INHBC: variants seen among roughly 807,000 people sequenced by gnomAD.
The protein encoded by INHBC is inhibin beta C chain.
INHBC carries 10 observed loss-of-function variants against 12.4 expected under a neutral mutation model. That is an observed-to-expected ratio of 0.81 (90% confidence interval 0.50 to 1.37). The LOEUF is 1.37. Ranked by LOEUF, INHBC falls within the 40% of genes most tolerant of loss-of-function variation. INHBC has a pLI of 0.00. For synonymous variants in INHBC, 147 were observed against 171.6 expected, an observed-to-expected ratio of 0.86 and a Z score of 1.12; for missense variants, 382 against 439.4, an observed-to-expected ratio of 0.87 and a Z score of 1.17.
chr12:57,441,214 T>C (rs1016074488), intron 1 of INHBC, among the ~76,000 whole-genome samples: 1 of 151,644 alleles, frequency 6.6e-6, no homozygotes, highest in Non-Finnish European at 1.5e-5. Context: ...ATTAGCCAGG[T>C]GTGGTGGTGC....
At chr12:57,441,683 TTC>T (rs1870467884) in intron 1 of INHBC, among the ~76,000 whole-genome samples, 1 of 51,266 alleles carries the variant, frequency 2.0e-5, no homozygotes, top group African/African-American at 6.8e-5. Flanking sequence ...TTTCTCATGA[TTC>T]TTTTTTTTTT....
At chr12:57,436,398 C>T (rs1238445409) in intron 1 of INHBC, among the ~76,000 whole-genome samples, 7 of 151,104 alleles carry the variant, frequency 4.6e-5, no homozygotes, top group Admixed American at 6.6e-5. Context: ...CTCCTGACCT[C>T]GTGATCCGCC....
In INHBC at chr12:57,449,878, C is replaced by G; in HGVS notation, c.915C>G (p.Asn305Lys). Reference sequence around the variant, plus strand: ...CAGTGCTCAATCTTCTCAAGGCCAACACAGCTGCAGGCACCACTGGAGGGG... The same window carrying G: ...CAGTGCTCAATCTTCTCAAGGCCAAGACAGCTGCAGGCACCACTGGAGGGG... ...HTAVLNLLKA[N>K]TAAGTTGGGS... The change falls in exon 2 of 2, where the codon AAC (asparagine) becomes AAG (lysine). Residue 305 changes from asparagine (N) to lysine (K), a missense_variant. Physicochemically the swap from Asn to Lys is moderately conservative, Grantham distance 94. Transcript: ENST00000309668. 6.2e-7 allele frequency: 1 copy of G among 1,612,350 alleles called. No individual in the cohort carries two copies. The highest frequency in any genetic ancestry group is 2.2e-5 in the East Asian group (1 of 44,850).
At chr12:57,443,389 A>G (rs2139833050) in intron 1 of INHBC, among the ~76,000 whole-genome samples, 1 of 152,020 alleles carries the variant, frequency 6.6e-6, no homozygotes, top group African/African-American at 2.4e-5. Flanking sequence ...GGTTCAAGCA[A>G]TTCTCCTGCC....
chr12:57,439,680 A>G (rs1340274334), intron 1 of INHBC, among the ~76,000 whole-genome samples: 1 of 152,190 alleles, frequency 6.6e-6, no homozygotes, highest in Non-Finnish European at 1.5e-5. Context: ...ACCACATTCT[A>G]TCAAGACAGA....
intron 1 of INHBC, among the ~76,000 whole-genome samples, chr12:57,447,903 A>ATATATATT (rs1382563894): frequency 2.9e-5 from 3 of 102,716 alleles, no homozygotes; most frequent in Admixed American, 1.1e-4. Context: ...ATATATATAT[A>ATATATATT]TATATATATA....
intron 1 of INHBC, among the ~76,000 whole-genome samples, chr12:57,448,005 T>C (rs1870628029): frequency 6.8e-6 from 1 of 146,784 alleles, no homozygotes; most frequent in South Asian, 2.2e-4. Flanking sequence ...TACACACATA[T>C]GTATTTATAA....
intron 1 of INHBC, among the ~76,000 whole-genome samples, chr12:57,436,199 C>G (rs1029941350): frequency 7.0e-6 from 1 of 143,704 alleles, no homozygotes; most frequent in African/African-American, 2.6e-5. Context: ...GAGTCTCACT[C>G]TGTCACCCAG....
intron 1 of INHBC, among the ~76,000 whole-genome samples, chr12:57,440,152 A>G (rs1296865703): frequency 6.6e-6 from 1 of 152,178 alleles, no homozygotes; most frequent in Non-Finnish European, 1.5e-5. Flanking sequence ...AAAGAATGAA[A>G]AAGAATTTTT....
At position 57,451,483 on chromosome 12, in the gene INHBC, T is replaced by A. The variant is rs570515755; in HGVS notation, c.*1461T>A. Among the ~76,000 whole-genome samples, 6 of 152,274 alleles carry A rather than the reference T, an allele frequency of 3.9e-5. No homozygotes were observed. The highest frequency in any genetic ancestry group is 6.5e-5 in the Admixed American group (1 of 15,292). Reference sequence around the variant, plus strand: ...CATTTGCTCTGAGACTGGGTCCTTTTTAGACCTTTGCCCGTCCTCCCCCAC... The same window carrying A: ...CATTTGCTCTGAGACTGGGTCCTTTATAGACCTTTGCCCGTCCTCCCCCAC... On this transcript the variant is annotated 3_prime_UTR_variant, in exon 2 of 2. Coordinates refer to ENST00000309668, the MANE Select transcript of INHBC (RefSeq NM_005538.4).
intron 1 of INHBC, among the ~76,000 whole-genome samples, chr12:57,447,895 ATATATATATATATAT>A (rs1870621520): frequency 1.4e-5 from 1 of 71,760 alleles, no homozygotes; most frequent in African/African-American, 5.5e-5. Context: ...AAAAAAAAAT[ATATATATATATATAT>A]ATATATATAT....
At chr12:57,443,199 C>G (rs1365567484) in intron 1 of INHBC, among the ~76,000 whole-genome samples, 1 of 133,808 alleles carries the variant, frequency 7.5e-6, no homozygotes, top group Non-Finnish European at 1.5e-5. Flanking sequence ...CTCACTGCAA[C>G]CTCTGCCTCC....
chr12:57,449,507 CT>C lies in INHBC; in HGVS notation c.545del (p.Leu182GlnfsTer14). 6.2e-7 allele frequency: 1 copy of C among 1,614,146 alleles called. No homozygotes were observed. The highest frequency in any genetic ancestry group is 8.5e-7 in the Non-Finnish European group (1 of 1,179,992). On this transcript the variant is annotated frameshift_variant, in exon 2 of 2. Coordinates refer to ENST00000309668, the MANE Select transcript of INHBC (RefSeq NM_005538.4). LOFTEE classifies it high-confidence loss of function. ...TGCCAGTGGCTGGCATCAACTCCCC[CT>C]AGGGCCTGAAGCTCAAGCTGCCTGC... is the stretch of plus-strand genomic sequence containing the variant. ...VDASGWHQLP[L>X]GPEAQAACSQ...
In INHBC at chr12:57,435,219, C is replaced by A; in HGVS notation, c.313+20C>A. The A allele has an allele frequency of 1.3e-6, 2 of 1,590,014 alleles. No homozygotes were observed. The highest frequency in any genetic ancestry group is 1.7e-6 in the Non-Finnish European group (2 of 1,163,898). ...AGACAGGTGGGTTCCTGATCTGTAG[C>A]TCTTCCCCAGAACTTGACCCCTCAA... On this transcript the variant is annotated intron_variant, in intron 1 of 1. Coordinates refer to ENST00000309668, the MANE Select transcript of INHBC (RefSeq NM_005538.4).
At chr12:57,445,871 A>G (rs1012136862) in intron 1 of INHBC, among the ~76,000 whole-genome samples, 1 of 149,634 alleles carries the variant, frequency 6.7e-6, no homozygotes, top group Non-Finnish European at 1.5e-5. Flanking sequence ...TCAGCCTCCC[A>G]AGTAGCTGGG....
Position 57,451,849 on chromosome 12 carries a change from C to T in INHBC, c.*1827C>T, listed in dbSNP as rs1566552555. The T allele has an allele frequency of 2.2e-6, 1 of 455,806 alleles. No homozygotes were observed. Among genetic ancestry groups the T allele is most frequent in the Non-Finnish European group, 4.4e-6 (1 of 226,758 alleles). The allele number at this position is 455,806 out of a possible 1,614,324, so 28.2% of individuals were successfully genotyped here. On this transcript the variant is annotated 3_prime_UTR_variant, in exon 2 of 2. Transcript: ENST00000309668. ...ACACATCCCCGACCCCCAGATCTAA[C>T]CTCCTTCCCAATTACAGCTTAGTCT...
At chr12:57,436,958 C>T (rs1291465213) in intron 1 of INHBC, among the ~76,000 whole-genome samples, 3 of 152,070 alleles carry the variant, frequency 2.0e-5, no homozygotes, top group Non-Finnish European at 4.4e-5. Context: ...TGAGCCACCG[C>T]GCCCAGCATA....
intron 1 of INHBC, among the ~76,000 whole-genome samples, chr12:57,436,424 A>G (rs1478268042): frequency 1.3e-5 from 2 of 150,426 alleles, no homozygotes; most frequent in Admixed American, 6.6e-5. Flanking sequence ...CGGCCTCCCA[A>G]AGTGCTGGGA....
intron 1 of INHBC, among the ~76,000 whole-genome samples, chr12:57,443,307 A>G (rs1029811729): frequency 6.6e-6 from 1 of 150,850 alleles, no homozygotes. Context: ...TTTTTAAGAC[A>G]GAGTTTCACT....
Sources: allele counts gnomAD v4.1 joint callset (sites outside exome capture counted in the v4.1 genomes callset), GRCh38; gene constraint gnomAD v4.1.1; transcripts MANE v1.5; gene names NCBI Gene and HGNC (gene_info 2026-07-23, HGNC 2026-07-21).